Variants in DNAJC13 observed in about 807,000 individuals in gnomAD.
DNAJC13 encodes the protein dnaJ homolog subfamily C member 13.
In DNAJC13, 75 loss-of-function variants were observed where a neutral mutation model predicts 290.5. The ratio of observed to expected loss-of-function variants is 0.26; its 90% CI spans 0.21 to 0.31. The LOEUF (loss-of-function observed/expected upper bound fraction) is 0.31. Ranked by LOEUF, DNAJC13 falls within the 10% of genes least tolerant of loss-of-function variation. DNAJC13 has a pLI of 1.00. For missense variants in DNAJC13, 2,260 were observed against 2,674.5 expected (o/e 0.85, Z 3.42); for synonymous variants, 862 against 892.0 (o/e 0.97, Z 0.60).
At chr3:132,506,432 A>C (rs78820357) in intron 42 of DNAJC13, among the ~76,000 whole-genome samples, 4 of 148,986 alleles carry the variant, frequency 2.7e-5, no homozygotes, top group Non-Finnish European at 5.9e-5. Flanking sequence ...ATACTTTTAC[A>C]TGTTATTTTA....
Position 132,503,302 on chromosome 3 carries a change from A to G in DNAJC13, c.4805A>G (p.Asn1602Ser). ...YLAEEQATPENPTIRKSLAGM... is the reference protein window; with the variant it reads ...YLAEEQATPESPTIRKSLAGM... ...GCTGAAGAACAAGCAACTCCAGAAA[A>G]TCCAACCATAAGGAAAAGCTTAGCT... Residue 1602 changes from asparagine (N) to serine (S), a missense_variant, in exon 41 of 56, where the codon AAT (asparagine) becomes AGT (serine). Physicochemically the swap from Asn to Ser is conservative, Grantham distance 46. Coordinates refer to ENST00000260818, the MANE Select transcript of DNAJC13 (RefSeq NM_015268.4). The G allele has an allele frequency of 6.2e-7, 1 of 1,614,094 alleles. No homozygotes were observed. The highest frequency in any genetic ancestry group is 1.1e-5 in the South Asian group (1 of 91,086).
At position 132,488,179 on chromosome 3, in the gene DNAJC13, A is replaced by G. The variant is rs577502857; in HGVS notation, c.3268-119A>G. The stretch of plus-strand genomic sequence containing the variant: ...CTGGTAGATGAGCTTACTGACTCCC[A>G]TGGGTTTTTATTTTATAATTTACAT... On this transcript the variant is annotated intron_variant, in intron 29 of 55. Transcript: ENST00000260818. The G allele has an allele frequency of 2.0e-5, 17 of 857,754 alleles. No individual in the cohort carries two copies. In the East Asian group the frequency reaches 4.1e-4, roughly 21 times the overall value. The allele number at this position is 857,754 out of a possible 1,614,324, so 53.1% of individuals were successfully genotyped here.
intron 1 of DNAJC13, among the ~76,000 whole-genome samples, chr3:132,427,157 G>C (rs1213482785): frequency 4.2e-5 from 6 of 143,184 alleles, no homozygotes; most frequent in Admixed American, 2.9e-4. Context: ...TTTGAGACAG[G>C]GTCTGACTCT....
At chr3:132,488,548 TA>T (rs1934960475) in intron 30 of DNAJC13, 96 bp downstream of exon 30, 1 of 1,228,414 alleles carries the variant, frequency 8.1e-7, no homozygotes, top group African/African-American at 1.5e-5. Flanking sequence ...TTGCTTTTAT[TA>T]AAATTATAAT....
intron 34 of DNAJC13, 63 bp downstream of exon 34, chr3:132,494,322 TAA>T: frequency 8.4e-7 from 1 of 1,193,664 alleles, no homozygotes; most frequent in Middle Eastern, 1.9e-4. Context: ...TATCAAAGAC[TAA>T]GTTATATTTA....
At chr3:132,507,089 A>G (rs1935617684) in intron 42 of DNAJC13, 148 bp from the exon 43 acceptor site, 2 of 504,686 alleles carry the variant, frequency 4.0e-6, no homozygotes, top group South Asian at 7.0e-5. Context: ...TGCCTATTCC[A>G]AAGTCTTTTT....
chr3:132,441,925 C>T (rs1006332304), intron 2 of DNAJC13, among the ~76,000 whole-genome samples: 5 of 151,544 alleles, frequency 3.3e-5, no homozygotes, highest in Non-Finnish European at 7.4e-5. Flanking sequence ...TATTCACTGT[C>T]ATATTATTGA....
chr3:132,499,082 C>A, intron 36 of DNAJC13, 44 bp from the exon 37 acceptor site: 1 of 1,472,072 alleles, frequency 6.8e-7, no homozygotes, highest in Non-Finnish European at 9.2e-7. Flanking sequence ...ACAACATAAT[C>A]AATTTTGTTT....
chr3:132,446,007 G>A (rs550653900), intron 2 of DNAJC13, among the ~76,000 whole-genome samples: 6 of 152,184 alleles, frequency 3.9e-5, no homozygotes, highest in African/African-American at 1.2e-4. Flanking sequence ...AGTTGCTTAA[G>A]TAGAAACTAT....
chr3:132,505,225 A>C, intron 41 of DNAJC13, 77 bp from the exon 42 acceptor site: 2 of 878,430 alleles, frequency 2.3e-6, no homozygotes, highest in Non-Finnish European at 3.7e-6. Flanking sequence ...TTTGGCCTAT[A>C]ATAGACATTT....
chr3:132,470,161 A>G (rs1934149885), intron 20 of DNAJC13, among the ~76,000 whole-genome samples: 1 of 83,732 alleles, frequency 1.2e-5, no homozygotes, highest in Non-Finnish European at 2.3e-5. Context: ...GTCCCTGATT[A>G]CTTGAGATTA....
intron 15 of DNAJC13, among the ~76,000 whole-genome samples, chr3:132,461,921 G>T (rs1016853867): frequency 6.6e-6 from 1 of 152,024 alleles, no homozygotes; most frequent in African/African-American, 2.4e-5. Flanking sequence ...TCATGCCCCT[G>T]AGCTTAAGCG....
chr3:132,497,304 C>A (rs1935263541), intron 36 of DNAJC13, among the ~76,000 whole-genome samples: 1 of 152,142 alleles, frequency 6.6e-6, no homozygotes, highest in South Asian at 2.1e-4. Flanking sequence ...TTCAAAACAT[C>A]CCCCTTTGTT....
chr3:132,521,651 A>G lies in DNAJC13; in HGVS notation c.5674-1177A>G, dbSNP rs188274631. Among the ~76,000 whole-genome samples the G allele has an allele frequency of 2.0e-5, 3 of 152,332 alleles. No homozygotes were observed. In the East Asian group the frequency reaches 5.8e-4, roughly 29 times the overall value. Reference sequence around the variant, plus strand: ...ATATACCACAGTGAGCAGGTCAAGCATTGTTCTTACACTCAGGGAGCTCAT... The same window carrying G: ...ATATACCACAGTGAGCAGGTCAAGCGTTGTTCTTACACTCAGGGAGCTCAT... On this transcript the variant is annotated intron_variant, in intron 48 of 55. Coordinates refer to ENST00000260818, the MANE Select transcript of DNAJC13 (RefSeq NM_015268.4).
At chr3:132,418,802 G>C (rs899126074) in intron 1 of DNAJC13, among the ~76,000 whole-genome samples, 13 of 152,120 alleles carry the variant, frequency 8.5e-5, no homozygotes, top group Non-Finnish European at 1.8e-4. Context: ...TTATGGACTT[G>C]ATAGGTTTCT....
chr3:132,498,679 TA>T (rs1486776808), intron 36 of DNAJC13, among the ~76,000 whole-genome samples: 7 of 152,106 alleles, frequency 4.6e-5, no homozygotes, highest in African/African-American at 1.7e-4. Context: ...GATGTTAAGA[TA>T]AAATATTTTA....
At chr3:132,481,095 T>G (rs1934656638) in intron 26 of DNAJC13, among the ~76,000 whole-genome samples, 1 of 152,160 alleles carries the variant, frequency 6.6e-6, no homozygotes, top group Admixed American at 6.5e-5. Flanking sequence ...TATCCACATT[T>G]TATAGATGAG....
chr3:132,496,473 AG>A, intron 35 of DNAJC13, 54 bp from the exon 36 acceptor site: 9 of 1,459,998 alleles, frequency 6.2e-6, no homozygotes, highest in Non-Finnish European at 8.3e-6. Flanking sequence ...GTCTTGTTTA[AG>A]TTGAATTTTG....
intron 55 of DNAJC13, among the ~76,000 whole-genome samples, chr3:132,534,502 C>T (rs1257942415): frequency 1.3e-5 from 2 of 152,036 alleles, no homozygotes; most frequent in Non-Finnish European, 2.9e-5. Context: ...TAAAAAAATA[C>T]AAAAATTTAG....
Sources: allele counts gnomAD v4.1 joint callset (sites outside exome capture counted in the v4.1 genomes callset), GRCh38; gene constraint gnomAD v4.1.1; transcripts MANE v1.5; gene names NCBI Gene and HGNC (gene_info 2026-07-23, HGNC 2026-07-21).